Variants in JAK1 observed in about 807,000 individuals in gnomAD.
JAK1 encodes the protein tyrosine-protein kinase JAK1.
JAK1 carries 16 observed loss-of-function variants against 136.6 expected under a neutral mutation model. The ratio of observed to expected loss-of-function variants is 0.12; its 90% confidence interval spans 0.08 to 0.18. The LOEUF (loss-of-function observed/expected upper bound fraction) is 0.18. JAK1 is among the 10% of genes least tolerant of loss of function. JAK1 has a pLI of 1.00. For missense variants in JAK1, 859 were observed against 1,450.1 expected (o/e 0.59, Z 6.62); for synonymous variants, 492 against 519.5 (o/e 0.95, Z 0.72).
chr1:64,966,392 G>T lies in JAK1; in HGVS notation c.-137C>A, dbSNP rs1646379844. 6.6e-6 allele frequency: 1 copy of T among 151,212 alleles called. No homozygotes were observed. Among genetic ancestry groups the T allele is most frequent in the African/African-American group, 2.4e-5 (1 of 41,296 alleles). The allele number at this position is 151,212 out of a possible 1,614,324, so 9.4% of individuals were successfully genotyped here. On this transcript the variant is annotated 5_prime_UTR_variant, in exon 1 of 25. Transcript: ENST00000342505. ...GTCGCTGCGCTGGCTGGGGTCGACC[G>T]GCAGGCTCGCTAGGCGGCCAGCCCC...
At chr1:64,912,675 G>T (rs188013623) in intron 1 of JAK1, among the ~76,000 whole-genome samples, 1 of 152,162 alleles carries the variant, frequency 6.6e-6, no homozygotes, top group Admixed American at 6.5e-5. Flanking sequence ...TTTACATTCC[G>T]GGAGAACTTT....
At chr1:64,945,521 T>C (rs901937509) in intron 1 of JAK1, among the ~76,000 whole-genome samples, 7 of 151,942 alleles carry the variant, frequency 4.6e-5, no homozygotes, top group Non-Finnish European at 1.0e-4. Flanking sequence ...GAGAGGAGGA[T>C]ATATGGTAAA....
intron 1 of JAK1, among the ~76,000 whole-genome samples, chr1:64,898,079 A>G (rs1645050873): frequency 6.6e-6 from 1 of 152,218 alleles, no homozygotes; most frequent in South Asian, 2.1e-4. Flanking sequence ...TACAAAAAGG[A>G]AACTTCTTTA....
intron 1 of JAK1, among the ~76,000 whole-genome samples, chr1:64,932,874 T>C (rs947627349): frequency 5.3e-5 from 8 of 152,082 alleles, no homozygotes; most frequent in African/African-American, 1.9e-4. Context: ...AACTCCACCA[T>C]CCCAAAGGTA....
chr1:65,049,404 AGAG>A (rs1647225516), intron 1 of JAK1, among the ~76,000 whole-genome samples: 1 of 152,192 alleles, frequency 6.6e-6, no homozygotes, highest in African/African-American at 2.4e-5. Context: ...CCTGGGTAAC[AGAG>A]TGAGATCCTG....
intron 1 of JAK1, among the ~76,000 whole-genome samples, chr1:64,925,871 C>A (rs918265998): frequency 1.3e-5 from 2 of 152,172 alleles, no homozygotes; most frequent in African/African-American, 2.4e-5. Flanking sequence ...CAAGCCTGTG[C>A]CAGTTATTTG....
chr1:64,855,715 C>T lies in JAK1; in HGVS notation c.1459-17G>A. The T allele has an allele frequency of 6.2e-7, 1 of 1,604,544 alleles. No homozygotes were observed. Among genetic ancestry groups the T allele is most frequent in the Non-Finnish European group, 8.5e-7 (1 of 1,172,630 alleles). ...CTGCACCTGCTATTCGGGAAATGAC[C>T]AGAAATTACATGTTTAAAATGGGGT... On this transcript the variant is annotated splice_polypyrimidine_tract_variant and intron_variant, in intron 10 of 24. Transcript: ENST00000342505.
intron 2 of JAK1, among the ~76,000 whole-genome samples, chr1:64,885,096 G>A (rs1315070193): frequency 6.6e-6 from 1 of 152,156 alleles, no homozygotes; most frequent in Non-Finnish European, 1.5e-5. Context: ...ATGCCTCAAT[G>A]CTACAAACTG....
At chr1:64,943,412 T>C (rs1416319161) in intron 1 of JAK1, among the ~76,000 whole-genome samples, 1 of 152,068 alleles carries the variant, frequency 6.6e-6, no homozygotes, top group African/African-American at 2.4e-5. Flanking sequence ...TTTTATAGAG[T>C]TTTAGTGTAA....
In JAK1 at chr1:64,883,447, G is replaced by A; in HGVS notation, c.35C>T (p.Ala12Val). Residue 12 changes from alanine (A) to valine (V), a missense_variant, in exon 3 of 25, where the codon GCC becomes GTC. Physicochemically the swap from Ala to Val is moderately conservative, Grantham distance 64. Coordinates refer to ENST00000342505, the MANE Select transcript of JAK1 (RefSeq NM_002227.4). ...QYLNIKEDCN[A>V]MAFCAKMRSS... ...CCTCATTTTAGCACAGAAAGCCATGGCATTGCAGTCCTCTTTTATATTTAG... is the reference window on the plus strand; with the variant it reads ...CCTCATTTTAGCACAGAAAGCCATGACATTGCAGTCCTCTTTTATATTTAG... The A allele has an allele frequency of 3.1e-6, 5 of 1,614,050 alleles. No homozygotes were observed. The highest frequency in any genetic ancestry group is 4.2e-6 in the Non-Finnish European group (5 of 1,179,922).
At chr1:64,989,416 C>T (rs1197265709) in intron 2 of JAK1, 1 of 151,858 alleles carries the variant, frequency 6.6e-6, no homozygotes, top group African/African-American at 2.4e-5. Context: ...TTTTTATTTG[C>T]TGTTATTCCA....
At chr1:64,835,803 C>T (rs1654445856) in intron 23 of JAK1, among the ~76,000 whole-genome samples, 2 of 152,072 alleles carry the variant, frequency 1.3e-5, no homozygotes, top group African/African-American at 2.4e-5. Flanking sequence ...CTGGTCCCTA[C>T]CCAGTGCTAC....
At chr1:64,987,939 A>C (rs1646615300) in intron 2 of JAK1, among the ~76,000 whole-genome samples, 1 of 152,208 alleles carries the variant, frequency 6.6e-6, no homozygotes, top group Non-Finnish European at 1.5e-5. Flanking sequence ...ACTTTTCAGA[A>C]ACCATTCTTA....
chr1:64,907,691 T>TA (rs1173576270), intron 1 of JAK1, among the ~76,000 whole-genome samples: 3 of 151,734 alleles, frequency 2.0e-5, no homozygotes, highest in East Asian at 1.9e-4. Context: ...AACTTAAAGT[T>TA]AAAAAAAACA....
intron 2 of JAK1, among the ~76,000 whole-genome samples, chr1:65,006,343 C>T (rs756797325): frequency 1.3e-5 from 2 of 152,130 alleles, no homozygotes; most frequent in East Asian, 1.9e-4. Flanking sequence ...TTAATTAAAA[C>T]GGCTTCTATT....
chr1:64,838,570 G>A lies in JAK1; in HGVS notation c.2862C>T (p.Leu954=), dbSNP rs1380699794. 3.1e-6 allele frequency: 5 copies of A among 1,613,936 alleles called. No individual in the cohort carries two copies. Among genetic ancestry groups the A allele is most frequent in the South Asian group, 1.1e-5 (1 of 91,072 alleles). Residue 954 remains leucine, a synonymous_variant, in exon 21 of 25, where the codon CTC becomes CTT. Transcript: ENST00000342505. ...CTEDGGNGIK[L]IMEFLPSGSL... is the part of the protein sequence containing the mutation. ...TTCCCGAAGGCAGAAATTCCATGAT[G>A]AGCTTAATACCATTTCCTCCTGTTT...
intron 2 of JAK1, chr1:64,991,792 ATAT>A (rs1646659235): frequency 6.6e-6 from 1 of 152,370 alleles, no homozygotes; most frequent in South Asian, 2.1e-4. Context: ...TCAGCAGTGG[ATAT>A]TTGAAAAGGA....
chr1:65,009,031 G>T (rs975308243), intron 2 of JAK1, among the ~76,000 whole-genome samples: 3 of 152,114 alleles, frequency 2.0e-5, no homozygotes, highest in African/African-American at 7.2e-5. Context: ...AGTCTTTGAA[G>T]GTTAGGAAAT....
In JAK1 at chr1:64,834,496, G is replaced by A; in HGVS notation, c.*66C>T. 2 of 1,099,786 alleles carry A rather than the reference G, an allele frequency of 1.8e-6. No individual in the cohort carries two copies. The highest frequency in any genetic ancestry group is 2.7e-6 in the Non-Finnish European group (2 of 730,134). 68.1% of individuals were successfully genotyped at this position (1,099,786 alleles called of 1,614,324 possible). ...CTTTCATTAGAAATTTTTAAAAAAT[G>A]ACTTGGGCATTTGTTGCAGGAGAAG... On this transcript the variant is annotated 3_prime_UTR_variant, in exon 25 of 25. Coordinates refer to ENST00000342505, the MANE Select transcript of JAK1 (RefSeq NM_002227.4).
Sources: gnomAD v4.1 joint callset for allele counts (sites outside exome capture counted in the v4.1 genomes callset) on GRCh38, gnomAD v4.1.1 for gene constraint, MANE v1.5 for transcripts, NCBI Gene and HGNC (gene_info 2026-07-23, HGNC 2026-07-21) for gene names.